NTM: variants seen among roughly 807,000 people sequenced by gnomAD.
NTM encodes IgLON family member 2.
NTM carries 13 observed loss-of-function variants against 42.1 expected under a neutral mutation model. That is an observed-to-expected ratio of 0.31 (90% confidence interval 0.20 to 0.49). The LOEUF (loss-of-function observed/expected upper bound fraction) is 0.49. NTM is among the 20% of genes least tolerant of loss of function. The probability of loss-of-function intolerance (pLI) is 0.99; values close to 1 mark genes in which losing one functional copy is unlikely to be tolerated. For synonymous variants in NTM, 187 were observed against 179.2 expected (o/e 1.04, Z -0.35); for missense variants, 373 against 452.8 (o/e 0.82, Z 1.60).
At chr11:131,454,450 G>A (rs148253776) in intron 1 of NTM, among the ~76,000 whole-genome samples, 21 of 152,184 alleles carry the variant, frequency 1.4e-4, no homozygotes, top group Middle Eastern at 3.4e-3. Context: ...GAAAGGCCAC[G>A]TGTGGCAATG....
chr11:132,149,520 C>G (rs2071384470), intron 3 of NTM, among the ~76,000 whole-genome samples: 1 of 152,166 alleles, frequency 6.6e-6, no homozygotes, highest in Non-Finnish European at 1.5e-5. Context: ...TAAATCCACA[C>G]AGAAGGAAGG....
At position 131,792,925 on chromosome 11, in the gene NTM, A is replaced by C. The variant is rs149965537; in HGVS notation, c.83-118639A>C. Among the ~76,000 whole-genome samples the C allele has an allele frequency of 3.3e-3, 500 of 152,346 alleles. 2 individuals carry two copies. Among genetic ancestry groups the C allele is most frequent in the Admixed American group, 5.9e-3 (90 of 15,302 alleles). ...TTAGTTAAGTTGCTTAATTTCTCTT[A>C]CTAACCGGTTATCTCTACTGTAAAA... On this transcript the variant is annotated intron_variant, in intron 1 of 8. Transcript: ENST00000683400.
Position 132,278,899 on chromosome 11 carries a change from A to G in NTM, c.527-28790A>G, listed in dbSNP as rs78033304. The stretch of plus-strand genomic sequence containing the variant: ...AACCCCGCAGCTATAACTTACACCA[A>G]TATGTAGCTGCAATAAACATGTAAC... On this transcript the variant is annotated intron_variant, in intron 4 of 8. Coordinates refer to ENST00000683400, the MANE Select transcript of NTM (RefSeq NM_001352005.2). Among the ~76,000 whole-genome samples the G allele has an allele frequency of 6.1e-3, 934 of 152,206 alleles. 15 individuals are homozygous for G. Among genetic ancestry groups the G allele is most frequent in the African/African-American group, 0.022 (908 of 41,508 alleles).
chr11:131,867,187 G>A (rs2047304695), intron 1 of NTM, among the ~76,000 whole-genome samples: 1 of 152,182 alleles, frequency 6.6e-6, no homozygotes, highest in Non-Finnish European at 1.5e-5. Flanking sequence ...CTTTGTGCAG[G>A]GCTCGGGAAA....
chr11:131,856,962 T>A (rs1488100522), intron 1 of NTM, among the ~76,000 whole-genome samples: 2 of 152,192 alleles, frequency 1.3e-5, no homozygotes, highest in African/African-American at 4.8e-5. Flanking sequence ...ACTTTTTCCT[T>A]TTTTCTCCTT....
At chr11:131,608,400 C>T (rs2061178932) in intron 1 of NTM, among the ~76,000 whole-genome samples, 1 of 152,190 alleles carries the variant, frequency 6.6e-6, no homozygotes, top group Non-Finnish European at 1.5e-5. Context: ...GGAAATCATC[C>T]TTCCTTTACC....
intron 1 of NTM, among the ~76,000 whole-genome samples, chr11:131,724,922 T>C (rs1444857911): frequency 6.6e-6 from 1 of 152,116 alleles, no homozygotes; most frequent in East Asian, 1.9e-4. Context: ...GAGCTTGGAC[T>C]GTGTGTTGGA....
chr11:132,130,758 G>A (rs984557146), intron 2 of NTM, among the ~76,000 whole-genome samples: 2 of 152,222 alleles, frequency 1.3e-5, no homozygotes, highest in Non-Finnish European at 2.9e-5. Flanking sequence ...GTTGCCGGCA[G>A]CAGACCTAAG....
intron 1 of NTM, among the ~76,000 whole-genome samples, chr11:131,476,993 C>T (rs1565542409): frequency 1.3e-5 from 2 of 152,030 alleles, no homozygotes; most frequent in Non-Finnish European, 2.9e-5. Flanking sequence ...ATGCATACCC[C>T]GCACCCCGTG....
At chr11:131,766,326 A>T (rs1336568358) in intron 1 of NTM, among the ~76,000 whole-genome samples, 1 of 152,174 alleles carries the variant, frequency 6.6e-6, no homozygotes, top group Non-Finnish European at 1.5e-5. Flanking sequence ...CTTAGGTCTG[A>T]TGCTGGGTGT....
intron 1 of NTM, among the ~76,000 whole-genome samples, chr11:131,577,268 C>T (rs987080250): frequency 1.3e-4 from 20 of 151,920 alleles, no homozygotes; most frequent in African/African-American, 4.8e-4. Flanking sequence ...GGAAAACATC[C>T]TCTGAGCAGA....
chr11:131,506,200 C>G (rs1013798191), intron 1 of NTM, among the ~76,000 whole-genome samples: 1 of 152,142 alleles, frequency 6.6e-6, no homozygotes, highest in Non-Finnish European at 1.5e-5. Context: ...TATTCCCGAG[C>G]CTATTTGTGG....
chr11:131,947,505 T>C (rs368202628), intron 2 of NTM, among the ~76,000 whole-genome samples: 1 of 151,870 alleles, frequency 6.6e-6, no homozygotes, highest in African/African-American at 2.4e-5. Flanking sequence ...ATAGAAACAC[T>C]CAGAAAGTGG....
At chr11:131,733,749 G>T (rs2080042547) in intron 1 of NTM, among the ~76,000 whole-genome samples, 1 of 152,076 alleles carries the variant, frequency 6.6e-6, no homozygotes, top group South Asian at 2.1e-4. Flanking sequence ...TGATGGCCAG[G>T]CTGCTCTCGA....
intron 1 of NTM, among the ~76,000 whole-genome samples, chr11:131,569,289 T>C (rs756509921): frequency 5.3e-5 from 8 of 151,966 alleles, no homozygotes; most frequent in Non-Finnish European, 8.8e-5. Flanking sequence ...AGATTACAGG[T>C]GTCCACCACT....
At chr11:132,117,057 A>G (rs943043255) in intron 2 of NTM, among the ~76,000 whole-genome samples, 3 of 152,220 alleles carry the variant, frequency 2.0e-5, no homozygotes, top group Non-Finnish European at 4.4e-5. Context: ...CCCCAAAGTC[A>G]TAGAAGTCCA....
chr11:132,215,599 A>G (rs1230872767), intron 4 of NTM, among the ~76,000 whole-genome samples: 1 of 152,212 alleles, frequency 6.6e-6, no homozygotes, highest in Non-Finnish European at 1.5e-5. Flanking sequence ...AGAAAATGTC[A>G]GTTGTGCATG....
At chr11:131,456,885 G>A (rs1389805128) in intron 1 of NTM, among the ~76,000 whole-genome samples, 2 of 152,120 alleles carry the variant, frequency 1.3e-5, no homozygotes, top group Non-Finnish European at 2.9e-5. Context: ...CTATCTCTAT[G>A]ATTTTCATGC....
At chr11:131,885,624 T>C (rs1304858652) in intron 1 of NTM, among the ~76,000 whole-genome samples, 1 of 152,186 alleles carries the variant, frequency 6.6e-6, no homozygotes, top group Non-Finnish European at 1.5e-5. Flanking sequence ...CATACCCACC[T>C]GTCATCTCCC....
Sources: allele counts gnomAD v4.1 joint callset (sites outside exome capture counted in the v4.1 genomes callset), GRCh38; gene constraint gnomAD v4.1.1; transcripts MANE v1.5; gene names NCBI Gene and HGNC (gene_info 2026-07-23, HGNC 2026-07-21).